VWA3B: variants seen among roughly 807,000 people sequenced by gnomAD.
VWA3B encodes the protein von Willebrand factor A domain-containing protein 3B.
In VWA3B, 138 loss-of-function variants were observed where a neutral mutation model predicts 158.3. The observed-to-expected ratio is 0.87, with a 90% confidence interval of 0.76 to 1.00. The LOEUF is 1.00. Ranked by LOEUF, VWA3B falls within the 50% of genes least tolerant of loss-of-function variation. VWA3B has a pLI of 0.00. For missense variants in VWA3B, 1,555 were observed against 1,565.1 expected (o/e 0.99, Z 0.11); for synonymous variants, 596 against 587.3 (o/e 1.01, Z -0.21).
At chr2:98,203,126 C>A (rs564695206) in intron 12 of VWA3B, among the ~76,000 whole-genome samples, 1 of 152,134 alleles carries the variant, frequency 6.6e-6, no homozygotes, top group African/African-American at 2.4e-5. Flanking sequence ...CCACCACACC[C>A]GGCCGGTTTA....
Position 98,312,265 on chromosome 2 carries a change from A to G in VWA3B, c.3801A>G (p.Thr1267=). 6.2e-7 allele frequency: 1 copy of G among 1,613,690 alleles called. No homozygotes were observed. The highest frequency in any genetic ancestry group is 8.5e-7 in the Non-Finnish European group (1 of 1,179,954). The part of the protein sequence containing the change: ...LGLSSHAIIA[T]PPPRAALPCT... ...TCAGCAGCCACGCCATCATTGCCACACCTCCACCTCGAGCAGCCCTGCCCT... is the reference window on the plus strand; with the variant it reads ...TCAGCAGCCACGCCATCATTGCCACGCCTCCACCTCGAGCAGCCCTGCCCT... Residue 1267 remains threonine (T), a synonymous_variant, in exon 28 of 28, where the codon ACA becomes ACG. Coordinates refer to ENST00000477737, the MANE Select transcript of VWA3B (RefSeq NM_144992.5).
chr2:98,133,054 G>A (rs1456770672), intron 6 of VWA3B, among the ~76,000 whole-genome samples: 2 of 152,214 alleles, frequency 1.3e-5, no homozygotes, highest in Non-Finnish European at 2.9e-5. Flanking sequence ...GAAATGTCCT[G>A]CTATTTATGG....
At chr2:98,249,601 T>C (rs1350239989) in intron 19 of VWA3B, among the ~76,000 whole-genome samples, 1 of 152,064 alleles carries the variant, frequency 6.6e-6, no homozygotes, top group African/African-American at 2.4e-5. Context: ...AACCAATACA[T>C]TTACCATCTT....
intron 5 of VWA3B, among the ~76,000 whole-genome samples, chr2:98,127,435 C>G (rs762553300): frequency 6.6e-6 from 1 of 151,976 alleles, no homozygotes; most frequent in African/African-American, 2.4e-5. Context: ...CGAGGGTGGC[C>G]GGGCTGCAGC....
chr2:98,128,481 C>G (rs1452763013), intron 6 of VWA3B, 73 bp downstream of exon 6: 2 of 1,522,484 alleles, frequency 1.3e-6, no homozygotes, highest in African/African-American at 2.7e-5. Flanking sequence ...GTGGGTCTTG[C>G]ATTCTTCGTG....
chr2:98,244,951 G>A (rs1401743112), intron 19 of VWA3B, among the ~76,000 whole-genome samples: 1 of 151,996 alleles, frequency 6.6e-6, no homozygotes, highest in Non-Finnish European at 1.5e-5. Context: ...AATTCCTTCT[G>A]CCCTTTATGG....
In VWA3B at chr2:98,311,216, G is replaced by A. The variant is rs73961211; in HGVS notation, c.3522-603G>A. On this transcript the variant is annotated intron_variant, in intron 26 of 27. Transcript: ENST00000477737. ...AGCCATGGAGGCATGGCTGGAATGA[G>A]GTCATGGTGTTATCAAGGTGCCTTC... Among the ~76,000 whole-genome samples the A allele has an allele frequency of 5.3e-3, 801 of 152,334 alleles. 14 individuals are homozygous for A. Among genetic ancestry groups the A allele is most frequent in the African/African-American group, 0.018 (749 of 41,590 alleles).
intron 2 of VWA3B, among the ~76,000 whole-genome samples, chr2:98,102,541 G>A (rs905625109): frequency 9.2e-5 from 14 of 152,038 alleles, no homozygotes; most frequent in African/African-American, 3.1e-4. Context: ...AGGCAGAGGC[G>A]CTCCTCACTT....
At chr2:98,285,818 A>G (rs1213889276) in intron 22 of VWA3B, among the ~76,000 whole-genome samples, 1 of 152,062 alleles carries the variant, frequency 6.6e-6, no homozygotes, top group East Asian at 1.9e-4. Flanking sequence ...GCAAACAAAA[A>G]GCTTGCTGGG....
Position 98,300,208 on chromosome 2 carries a change from A to T in VWA3B, c.3412A>T (p.Asn1138Tyr). ...EKFYTVLKCN[N>Y]RREFCPRSAL... ...ATTCTACACAGTTTTGAAGTGTAAC[A>T]ACCGGAGAGTAAGTAGATTTTCATT... Residue 1138 changes from asparagine (N) to tyrosine (Y), a missense_variant, in exon 25 of 28, where the codon AAC becomes TAC. Transcript: ENST00000477737. The T allele has an allele frequency of 6.2e-7, 1 of 1,614,180 alleles. No homozygotes were observed. The highest frequency in any genetic ancestry group is 8.5e-7 in the Non-Finnish European group (1 of 1,180,032).
chr2:98,199,966 G>A (rs190538846), intron 12 of VWA3B, among the ~76,000 whole-genome samples: 58 of 152,238 alleles, frequency 3.8e-4, no homozygotes, highest in Non-Finnish European at 6.3e-4. Context: ...TTGCATTCCC[G>A]TCAGTGATAT....
intron 7 of VWA3B, among the ~76,000 whole-genome samples, chr2:98,152,365 A>T (rs976773176): frequency 6.6e-6 from 1 of 152,182 alleles, no homozygotes; most frequent in Non-Finnish European, 1.5e-5. Flanking sequence ...GCTGGGCTTG[A>T]TGCTGTTTTG....
At chr2:98,179,165 C>T in intron 8 of VWA3B, 1 of 469,124 alleles carries the variant, frequency 2.1e-6, no homozygotes, top group Non-Finnish European at 4.4e-6. Context: ...CAGCCAGCTC[C>T]AGACACCAGT....
At chr2:98,110,959 G>A (rs953788315) in intron 2 of VWA3B, among the ~76,000 whole-genome samples, 4 of 152,216 alleles carry the variant, frequency 2.6e-5, no homozygotes, top group Non-Finnish European at 4.4e-5. Flanking sequence ...CATGTAAGAT[G>A]TGACTTGCTC....
intron 14 of VWA3B, 62 bp downstream of exon 14, chr2:98,218,090 C>T (rs1574111015): frequency 1.3e-6 from 2 of 1,503,116 alleles, no homozygotes; most frequent in East Asian, 2.4e-5. Context: ...GGCTGGCGGT[C>T]CCTGGGTAAT....
chr2:98,311,864 G>A lies in VWA3B; in HGVS notation c.3567G>A (p.Leu1189=). The A allele has an allele frequency of 6.2e-7, 1 of 1,612,348 alleles. No homozygotes were observed. Among genetic ancestry groups the A allele is most frequent in the Non-Finnish European group, 8.5e-7 (1 of 1,179,334 alleles). ...ARNSAFLFWP[L]KEADTQDSRE... ...ACTCTGCTTTCCTCTTCTGGCCACT[G>A]AAAGAAGCGGACACGCAGGATTCCA... The change falls in exon 27 of 28, where the codon CTG becomes CTA. Residue 1189 remains leucine, a synonymous_variant. Transcript: ENST00000477737.
intron 7 of VWA3B, among the ~76,000 whole-genome samples, chr2:98,156,271 A>G (rs1203360240): frequency 6.6e-6 from 1 of 152,270 alleles, no homozygotes; most frequent in African/African-American, 2.4e-5. Flanking sequence ...TGAGAAGGGG[A>G]TATTTTAAAG....
intron 12 of VWA3B, among the ~76,000 whole-genome samples, chr2:98,196,688 C>T (rs1351664630): frequency 6.6e-6 from 1 of 152,162 alleles, no homozygotes; most frequent in Admixed American, 6.5e-5. Context: ...CTGCCTCTTC[C>T]CCAGCTTTGC....
intron 19 of VWA3B, among the ~76,000 whole-genome samples, chr2:98,249,494 T>C (rs1349396772): frequency 6.6e-6 from 1 of 152,196 alleles, no homozygotes; most frequent in African/African-American, 2.4e-5. Flanking sequence ...CAACTGTAAG[T>C]CTTGGATAGA....
Sources: gnomAD v4.1 joint callset for allele counts (sites outside exome capture counted in the v4.1 genomes callset) on GRCh38, gnomAD v4.1.1 for gene constraint, MANE v1.5 for transcripts, NCBI Gene and HGNC (gene_info 2026-07-23, HGNC 2026-07-21) for gene names.